Variants in KCNQ3 observed in about 807,000 individuals in gnomAD.
KCNQ3 encodes the protein potassium voltage-gated channel subfamily Q member 3, also known as potassium voltage-gated channel subfamily KQT member 3.
KCNQ3 carries 30 observed loss-of-function variants against 92.5 expected under a neutral mutation model. That is an observed-to-expected ratio of 0.32 (90% CI 0.24 to 0.44). The LOEUF (loss-of-function observed/expected upper bound fraction) is 0.44, where lower values mean the gene tolerates loss of function less well. KCNQ3 is among the 20% of genes least tolerant of loss of function. The probability of loss-of-function intolerance (pLI) is 1.00; values close to 1 mark genes in which losing one functional copy is unlikely to be tolerated. For missense variants in KCNQ3, 913 were observed against 1,140.3 expected, an observed-to-expected ratio of 0.80 and a Z score of 2.87; for synonymous variants, 450 against 468.8, an observed-to-expected ratio of 0.96 and a Z score of 0.52.
chr8:132,354,885 A>G lies in KCNQ3; in HGVS notation c.386+125262T>C, dbSNP rs1586951839. 8.5e-5 allele frequency among the ~76,000 whole-genome samples: 13 copies of G among 152,294 alleles called. No homozygotes were observed. The South Asian group carries it at 2.7e-3, about 32-fold the overall frequency. Reference sequence around the variant, plus strand: ...CTGCTCTTTACAGTCCTCAGTATACAGCCACTGGTTCTGGGGATGGGTTTG... The same window carrying G: ...CTGCTCTTTACAGTCCTCAGTATACGGCCACTGGTTCTGGGGATGGGTTTG... On this transcript the variant is annotated intron_variant, in intron 1 of 14. Coordinates refer to ENST00000388996, the MANE Select transcript of KCNQ3 (RefSeq NM_004519.4).
chr8:132,336,399 T>C (rs544795031), intron 1 of KCNQ3, among the ~76,000 whole-genome samples: 4 of 152,188 alleles, frequency 2.6e-5, no homozygotes, highest in Non-Finnish European at 5.9e-5. Context: ...TGTAGTGACT[T>C]AATCTCTTAG....
intron 1 of KCNQ3, among the ~76,000 whole-genome samples, chr8:132,304,428 C>T (rs978019202): frequency 2.0e-5 from 3 of 152,160 alleles, no homozygotes; most frequent in Non-Finnish European, 2.9e-5. Context: ...TAATTGGTGT[C>T]CATGGTCATC....
intron 1 of KCNQ3, among the ~76,000 whole-genome samples, chr8:132,400,339 G>A (rs1222602963): frequency 6.6e-6 from 1 of 152,232 alleles, no homozygotes; most frequent in Non-Finnish European, 1.5e-5. Context: ...CAGGCATTGA[G>A]TGGAACCCCA....
At chr8:132,340,432 G>GA (rs1255411575) in intron 1 of KCNQ3, among the ~76,000 whole-genome samples, 1 of 152,274 alleles carries the variant, frequency 6.6e-6, no homozygotes, top group Admixed American at 6.5e-5. Context: ...TATGCAGCCA[G>GA]AAAAAAGAAT....
intron 1 of KCNQ3, among the ~76,000 whole-genome samples, chr8:132,355,025 T>C (rs913303395): frequency 9.8e-5 from 15 of 152,296 alleles, no homozygotes; most frequent in African/African-American, 3.4e-4. Flanking sequence ...ACCAGTTCTA[T>C]AACAGTCCTC....
intron 1 of KCNQ3, among the ~76,000 whole-genome samples, chr8:132,267,898 C>T (rs150111319): frequency 1.8e-3 from 273 of 152,316 alleles, no homozygotes; most frequent in African/African-American, 6.5e-3. Flanking sequence ...ACTAGCATGG[C>T]ACAATTGTTA....
At chr8:132,295,494 A>T (rs2130567400) in intron 1 of KCNQ3, among the ~76,000 whole-genome samples, 1 of 152,354 alleles carries the variant, frequency 6.6e-6, no homozygotes, top group Non-Finnish European at 1.5e-5. Flanking sequence ...AAAGACCTAG[A>T]AGCAGAAATA....
At chr8:132,276,066 A>G (rs1816319437) in intron 1 of KCNQ3, among the ~76,000 whole-genome samples, 1 of 152,206 alleles carries the variant, frequency 6.6e-6, no homozygotes, top group Admixed American at 6.5e-5. Flanking sequence ...TCTGATTTGC[A>G]CAATAGTCTC....
At chr8:132,239,709 T>C (rs4639491) in intron 1 of KCNQ3, among the ~76,000 whole-genome samples, 88,143 of 152,060 alleles carry the variant, frequency 0.58, 26,295 homozygotes, top group East Asian at 0.81. Flanking sequence ...CAATTTTAGA[T>C]AGATTGTAGA....
intron 1 of KCNQ3, among the ~76,000 whole-genome samples, chr8:132,332,003 C>T (rs1818246616): frequency 6.6e-6 from 1 of 152,216 alleles, no homozygotes; most frequent in Admixed American, 6.5e-5. Flanking sequence ...GTGCAATCCC[C>T]TCCCCTTGAA....
At chr8:132,338,961 C>T (rs1818443402) in intron 1 of KCNQ3, among the ~76,000 whole-genome samples, 1 of 152,072 alleles carries the variant, frequency 6.6e-6, no homozygotes, top group Admixed American at 6.5e-5. Context: ...TCAGGAGAAA[C>T]CAGTGTTGAG....
intron 1 of KCNQ3, among the ~76,000 whole-genome samples, chr8:132,449,320 G>A (rs894095995): frequency 1.3e-5 from 2 of 151,790 alleles, no homozygotes; most frequent in Middle Eastern, 3.2e-3. Flanking sequence ...TGCCACTCCC[G>A]ACCGTGAAAC....
At chr8:132,191,643 A>AATAT (rs138656437) in intron 1 of KCNQ3, among the ~76,000 whole-genome samples, 1 of 148,130 alleles carries the variant, frequency 6.8e-6, no homozygotes, top group Non-Finnish European at 1.5e-5. Flanking sequence ...TAATATATAT[A>AATAT]ATATATATAA....
chr8:132,186,211 A>G (rs750491387), intron 1 of KCNQ3, 30 bp from the exon 2 acceptor site: 276 of 1,522,504 alleles, frequency 1.8e-4, no homozygotes, highest in Non-Finnish European at 2.5e-4. Context: ...TGGACTAAGG[A>G]ACCTTTGAGT....
intron 1 of KCNQ3, among the ~76,000 whole-genome samples, chr8:132,246,697 G>A (rs1815191383): frequency 6.6e-6 from 1 of 152,170 alleles, no homozygotes; most frequent in African/African-American, 2.4e-5. Context: ...GGTTGAGACA[G>A]CACTTCCTGC....
intron 1 of KCNQ3, among the ~76,000 whole-genome samples, chr8:132,363,239 C>T (rs924467011): frequency 7.9e-5 from 12 of 151,990 alleles, no homozygotes; most frequent in Admixed American, 2.0e-4. Flanking sequence ...AGATAAAACG[C>T]GAAACCACAA....
chr8:132,221,671 T>A (rs1297667992), intron 1 of KCNQ3, among the ~76,000 whole-genome samples: 1 of 152,176 alleles, frequency 6.6e-6, no homozygotes, highest in African/African-American at 2.4e-5. Context: ...TTGTTTGTTT[T>A]TTTCTTGTAA....
intron 1 of KCNQ3, among the ~76,000 whole-genome samples, chr8:132,240,981 C>G (rs909607619): frequency 1.3e-5 from 2 of 151,804 alleles, no homozygotes; most frequent in African/African-American, 2.4e-5. Flanking sequence ...CTCTGCCTCC[C>G]GGGTTCCAGT....
chr8:132,434,284 C>T (rs1821335707), intron 1 of KCNQ3, among the ~76,000 whole-genome samples: 2 of 151,672 alleles, frequency 1.3e-5, no homozygotes, highest in Admixed American at 1.3e-4. Flanking sequence ...AATTTGTGGT[C>T]AGTCTTTCCA....
Sources: allele counts gnomAD v4.1 joint callset (sites outside exome capture counted in the v4.1 genomes callset), GRCh38; gene constraint gnomAD v4.1.1; transcripts MANE v1.5; gene names NCBI Gene and HGNC (gene_info 2026-07-23, HGNC 2026-07-21).